PTH2R: variants seen among roughly 807,000 people sequenced by gnomAD.
The protein encoded by PTH2R is PTH2 receptor.
In PTH2R, 59 loss-of-function variants were observed where a neutral mutation model predicts 60.3. The observed-to-expected ratio is 0.98, with a 90% CI of 0.79 to 1.22. The LOEUF is 1.22. Ranked by LOEUF, PTH2R falls within the 50% of genes most tolerant of loss-of-function variation. The pLI is 0.00. For missense variants in PTH2R, 749 were observed against 682.6 expected, an observed-to-expected ratio of 1.10 and a Z score of -1.08; for synonymous variants, 256 against 243.8, an observed-to-expected ratio of 1.05 and a Z score of -0.47.
intron 1 of PTH2R, among the ~76,000 whole-genome samples, chr2:208,410,450 A>G (rs1338964431): frequency 6.6e-6 from 1 of 152,124 alleles, no homozygotes; most frequent in Non-Finnish European, 1.5e-5. Context: ...ATGTATACAC[A>G]TGTCCTCTGT....
intron 1 of PTH2R, among the ~76,000 whole-genome samples, chr2:208,362,799 A>T (rs986889934): frequency 6.6e-6 from 1 of 151,776 alleles, no homozygotes; most frequent in African/African-American, 2.4e-5. Context: ...AAGAGTGCAC[A>T]GGGTTTCAAT....
intron 1 of PTH2R, among the ~76,000 whole-genome samples, chr2:208,376,232 T>C (rs1471731975): frequency 1.3e-5 from 2 of 152,178 alleles, no homozygotes; most frequent in African/African-American, 4.8e-5. Context: ...TTAAACTGTA[T>C]TGGTTGAAAT....
intron 1 of PTH2R, among the ~76,000 whole-genome samples, chr2:208,426,582 A>G (rs1353794133): frequency 6.6e-6 from 1 of 152,168 alleles, no homozygotes; most frequent in Non-Finnish European, 1.5e-5. Flanking sequence ...TCAAGGGTGG[A>G]AGCAGGGGAG....
In PTH2R at chr2:208,428,318, A is replaced by T. The variant is rs987442588; in HGVS notation, c.178+15A>T. On this transcript the variant is annotated intron_variant, in intron 2 of 12. Transcript: ENST00000272847. The stretch of plus-strand genomic sequence containing the variant: ...CCAGGAGGGAGGTAAAGATGCCAAG[A>T]AAATTGGCTCTCCTTGTGCCTCCTA... The T allele has an allele frequency of 6.3e-7, 1 of 1,583,156 alleles. No individual in the cohort carries two copies. Among genetic ancestry groups the T allele is most frequent in the Non-Finnish European group, 8.7e-7 (1 of 1,154,526 alleles).
At chr2:208,410,322 T>C (rs1701513281) in intron 1 of PTH2R, among the ~76,000 whole-genome samples, 1 of 152,174 alleles carries the variant, frequency 6.6e-6, no homozygotes, top group African/African-American at 2.4e-5. Flanking sequence ...AGATGTTAGA[T>C]AATATACTCA....
intron 1 of PTH2R, among the ~76,000 whole-genome samples, chr2:208,388,177 G>A (rs1320672133): frequency 1.3e-5 from 2 of 151,126 alleles, no homozygotes; most frequent in Admixed American, 6.6e-5. Context: ...TTAGCCGGGC[G>A]TGGTGGCGGT....
chr2:208,440,471 C>G (rs1702160331), intron 4 of PTH2R, among the ~76,000 whole-genome samples: 2 of 152,130 alleles, frequency 1.3e-5, no homozygotes, highest in African/African-American at 2.4e-5. Flanking sequence ...GAGGCAAAGT[C>G]TTCCTGCTTC....
chr2:208,443,283 G>T, intron 5 of PTH2R, 65 bp from the exon 6 acceptor site: 2 of 1,382,408 alleles, frequency 1.4e-6, no homozygotes, highest in Non-Finnish European at 9.7e-7. Flanking sequence ...GGCAGCAGTC[G>T]CACTGGGTGT....
chr2:208,456,401 G>A (rs1211180559), intron 8 of PTH2R, among the ~76,000 whole-genome samples: 6 of 152,102 alleles, frequency 3.9e-5, no homozygotes, highest in Non-Finnish European at 7.4e-5. Flanking sequence ...TGCCTCATTC[G>A]AAGGAGATAA....
At chr2:208,490,268 C>G (rs1023421649) in intron 11 of PTH2R, among the ~76,000 whole-genome samples, 3 of 152,056 alleles carry the variant, frequency 2.0e-5, no homozygotes, top group Admixed American at 6.6e-5. Context: ...TGTATTCTTA[C>G]CATACAATAC....
rs1701210729 is a variant in PTH2R, at chr2:208,396,547, A to G, written c.-258-31654A>G. On this transcript the variant is annotated intron_variant, in intron 1 of 12. Coordinates refer to the PTH2R transcript ENST00000617735. ...AGACATTTATGCACCCAACAGACAC[A>G]TGAAAAAATGCTCATCATCACTGGC... Among the ~76,000 whole-genome samples the G allele has an allele frequency of 2.0e-5, 3 of 152,368 alleles. No individual in the cohort carries two copies. In the South Asian group the frequency reaches 6.2e-4, roughly 32 times the overall value.
intron 7 of PTH2R, 126 bp from the exon 8 acceptor site, chr2:208,450,623 A>G (rs918566722): frequency 2.2e-6 from 2 of 893,466 alleles, no homozygotes; most frequent in African/African-American, 3.4e-5. Flanking sequence ...TTCACATATC[A>G]GAAATTTTCA....
intron 10 of PTH2R, among the ~76,000 whole-genome samples, chr2:208,486,249 A>G (rs927226366): frequency 6.6e-6 from 1 of 152,224 alleles, no homozygotes; most frequent in African/African-American, 2.4e-5. Flanking sequence ...TAGAAAATGA[A>G]TATAATTACT....
At chr2:208,367,155 G>A (rs1253907606) in intron 1 of PTH2R, among the ~76,000 whole-genome samples, 1 of 151,180 alleles carries the variant, frequency 6.6e-6, no homozygotes, top group Admixed American at 6.6e-5. Flanking sequence ...GTGCAATGGT[G>A]CAGTCTCTGC....
chr2:208,468,417 G>A (rs1019707242), intron 9 of PTH2R, among the ~76,000 whole-genome samples: 3 of 152,154 alleles, frequency 2.0e-5, no homozygotes, highest in Admixed American at 2.0e-4. Context: ...GCCGGGTTCT[G>A]ACTTCAGCAT....
chr2:208,474,033 A>G (rs1259699), intron 9 of PTH2R, among the ~76,000 whole-genome samples: 21,513 of 152,094 alleles, frequency 0.14, 2,582 homozygotes, highest in African/African-American at 0.33. Flanking sequence ...GAGGAGGTGC[A>G]ACTCATAATA....
intron 8 of PTH2R, among the ~76,000 whole-genome samples, chr2:208,451,112 G>A (rs529005413): frequency 6.6e-6 from 1 of 152,168 alleles, no homozygotes; most frequent in East Asian, 1.9e-4. Context: ...ATCCACTTAG[G>A]ATTTAGTGAA....
chr2:208,420,578 A>G (rs1026926686), intron 1 of PTH2R, among the ~76,000 whole-genome samples: 3 of 152,238 alleles, frequency 2.0e-5, no homozygotes, highest in Non-Finnish European at 4.4e-5. Context: ...TATAGTCATT[A>G]AACTAAACAA....
At chr2:208,440,803 C>T (rs745481013) in intron 4 of PTH2R, among the ~76,000 whole-genome samples, 4 of 152,316 alleles carry the variant, frequency 2.6e-5, no homozygotes, top group Non-Finnish European at 4.4e-5. Flanking sequence ...AATTCTTTGC[C>T]GTGAGGTCTT....
Sources: allele counts gnomAD v4.1 joint callset (sites outside exome capture counted in the v4.1 genomes callset), GRCh38; gene constraint gnomAD v4.1.1; transcripts MANE v1.5; gene names NCBI Gene and HGNC (gene_info 2026-07-23, HGNC 2026-07-21).